Variants in ROS1 observed in about 807,000 individuals in gnomAD.
ROS1 encodes the protein proto-oncogene tyrosine-protein kinase ROS.
A neutral mutation model predicts 273.5 loss-of-function variants in ROS1; 263 were observed. The ratio of observed to expected loss-of-function variants is 0.96; its 90% CI spans 0.87 to 1.06. The LOEUF is 1.06. Ranked by LOEUF, ROS1 falls within the 50% of genes least tolerant of loss-of-function variation. ROS1 has a pLI of 0.00. For missense variants in ROS1, 2,833 were observed against 2,751.1 expected, an observed-to-expected ratio of 1.03 and a Z score of -0.67; for synonymous variants, 1,008 against 954.1, an observed-to-expected ratio of 1.06 and a Z score of -1.04.
At chr6:117,403,053 G>A (rs1774082529) in intron 7 of ROS1, 86 bp downstream of exon 7, 4 of 1,457,128 alleles carry the variant, frequency 2.7e-6, no homozygotes, top group Non-Finnish European at 2.9e-6. Flanking sequence ...GGAAGGAATA[G>A]ATTTATTTCA....
chr6:117,358,231 T>C (rs1301238942), intron 24 of ROS1, among the ~76,000 whole-genome samples: 1 of 151,826 alleles, frequency 6.6e-6, no homozygotes, highest in East Asian at 1.9e-4. Flanking sequence ...AAACCAGTGC[T>C]ACAAATTTAT....
intron 20 of ROS1, 35 bp downstream of exon 20, chr6:117,365,546 T>G (rs1184949616): frequency 1.3e-6 from 2 of 1,579,868 alleles, no homozygotes; most frequent in Non-Finnish European, 1.7e-6. Context: ...TACAGTCTGT[T>G]TGGGAAATGA....
intron 4 of ROS1, among the ~76,000 whole-genome samples, chr6:117,410,639 T>G (rs1173660111): frequency 6.6e-6 from 1 of 152,168 alleles, no homozygotes; most frequent in Non-Finnish European, 1.5e-5. Context: ...ACAATCATGA[T>G]CAATCTTCCT....
chr6:117,396,967 T>C lies in ROS1; in HGVS notation c.754A>G (p.Thr252Ala), dbSNP rs765277219. 3 of 1,614,154 alleles carry C rather than the reference T, an allele frequency of 1.9e-6. No individual in the cohort carries two copies. Among genetic ancestry groups the C allele is most frequent in the Non-Finnish European group, 2.5e-6 (3 of 1,179,992 alleles). Residue 252 changes from threonine (T) to alanine (A), a missense_variant, in exon 8 of 44, where the codon ACA becomes GCA. By Grantham distance (58) the Thr-to-Ala change is moderately conservative (BLOSUM62 0). Transcript: ENST00000368507. The part of the protein sequence containing the change: ...ISKNQKLDAG[T>A]QRTSFQFYST... Reference sequence around the variant, plus strand: ...TAAAACTGGAAACTGGTTCTCTGTGTCCCTGCATCTAATTTTTGATTTTTG... The same window carrying C: ...TAAAACTGGAAACTGGTTCTCTGTGCCCCTGCATCTAATTTTTGATTTTTG...
chr6:117,370,042 A>ATTT (rs1780639307), intron 18 of ROS1, among the ~76,000 whole-genome samples: 1 of 152,176 alleles, frequency 6.6e-6, no homozygotes, highest in African/African-American at 2.4e-5. Flanking sequence ...TATACATATG[A>ATTT]ATGCATATGG....
At chr6:117,408,405 A>T (rs1442088692) in intron 5 of ROS1, among the ~76,000 whole-genome samples, 3 of 152,246 alleles carry the variant, frequency 2.0e-5, no homozygotes, top group Non-Finnish European at 4.4e-5. Context: ...TGGGCGAAGG[A>T]TACGAACAGG....
At chr6:117,406,174 C>T (rs1277010472) in intron 5 of ROS1, among the ~76,000 whole-genome samples, 5 of 150,648 alleles carry the variant, frequency 3.3e-5, no homozygotes, top group African/African-American at 7.4e-5. Flanking sequence ...TATATATATA[C>T]ACACACACAT....
chr6:117,387,608 C>T (rs1055097185), intron 14 of ROS1, among the ~76,000 whole-genome samples, 172 bp downstream of exon 14: 1 of 152,116 alleles, frequency 6.6e-6, no homozygotes, highest in Non-Finnish European at 1.5e-5. Flanking sequence ...ATTTGCTTTC[C>T]TAATCTCAGA....
chr6:117,365,683 C>T lies in ROS1; in HGVS notation c.2856G>A (p.Arg952=), dbSNP rs191810593. 14 of 1,611,718 alleles carry T rather than the reference C, an allele frequency of 8.7e-6. No homozygotes were observed. In the South Asian group the frequency reaches 1.2e-4, roughly 14 times the overall value. ...IPDSVQESSF[R]IEGNASSFQI... ...GAAAACTTGAAGCATTTCCTTCAAT[C>T]CTAAATGAAGACTCTTGAACAGAAT... Residue 952 remains arginine, a synonymous_variant, in exon 20 of 44, where the codon AGG becomes AGA. Transcript: ENST00000368507.
intron 43 of ROS1, among the ~76,000 whole-genome samples, chr6:117,300,616 T>C (rs1026956516): frequency 1.3e-5 from 2 of 152,120 alleles, no homozygotes; most frequent in African/African-American, 4.8e-5. Context: ...ATGATGATAA[T>C]GTACCGTAAG....
In ROS1 at chr6:117,425,650, T is replaced by C; in HGVS notation, c.7A>G (p.Asn3Asp). The C allele has an allele frequency of 6.2e-7, 1 of 1,611,080 alleles. No individual in the cohort carries two copies. Among genetic ancestry groups the C allele is most frequent in the Non-Finnish European group, 8.5e-7 (1 of 1,179,008 alleles). Residue 3 changes from asparagine to aspartate, a missense_variant, in exon 1 of 44, where the codon AAC becomes GAC. Asn to Asp is a conservative substitution (Grantham distance 23). Coordinates refer to ENST00000368507, the MANE Select transcript of ROS1 (RefSeq NM_001378902.1). Reference protein sequence around the residue: MKNIYCLIPKLVN... With the variant: MKDIYCLIPKLVN... Reference sequence around the variant, plus strand: ...AGCTTCGGAATAAGACAGTAAATGTTCTTCATCACTTCACCAATGGCAGAT... The same window carrying C: ...AGCTTCGGAATAAGACAGTAAATGTCCTTCATCACTTCACCAATGGCAGAT...
chr6:117,344,269 TAAG>T lies in ROS1; in HGVS notation c.4304-10_4304-8del, dbSNP rs975518037. ...AGAGACAGAAACGCTTTATCTAAAATAAGAAGAAACCAAAAGATTAAATATCTA... is the reference window on the plus strand; with the variant it reads ...AGAGACAGAAACGCTTTATCTAAAATAAGAAACCAAAAGATTAAATATCTA... On this transcript the variant is annotated splice_polypyrimidine_tract_variant and splice_region_variant and intron_variant, in intron 27 of 43. Transcript: ENST00000368507. The T allele has an allele frequency of 1.9e-6, 3 of 1,608,658 alleles. No homozygotes were observed. The highest frequency in any genetic ancestry group is 1.7e-6 in the Non-Finnish European group (2 of 1,175,596).
chr6:117,403,344 T>C, intron 6 of ROS1, 67 bp from the exon 7 acceptor site: 1 of 1,466,830 alleles, frequency 6.8e-7, no homozygotes, highest in East Asian at 2.4e-5. Context: ...CTAAAAAGCA[T>C]AGATTAATTT....
intron 7 of ROS1, among the ~76,000 whole-genome samples, chr6:117,402,614 G>A (rs1278904538): frequency 6.6e-6 from 1 of 152,116 alleles, no homozygotes; most frequent in African/African-American, 2.4e-5. Context: ...CCAGCTGGGC[G>A]AGGTGGCTCA....
chr6:117,346,567 C>T (rs1473395803), intron 27 of ROS1, among the ~76,000 whole-genome samples: 2 of 151,478 alleles, frequency 1.3e-5, no homozygotes, highest in African/African-American at 2.4e-5. Flanking sequence ...ACTGCATGGA[C>T]GTCTTTTTTT....
chr6:117,335,256 C>A (rs528241142), intron 32 of ROS1, among the ~76,000 whole-genome samples: 1 of 152,288 alleles, frequency 6.6e-6, no homozygotes, highest in Non-Finnish European at 1.5e-5. Context: ...CATCACTGAT[C>A]ATCAGAGGAG....
intron 26 of ROS1, among the ~76,000 whole-genome samples, chr6:117,353,574 G>T (rs1779058384): frequency 6.6e-6 from 1 of 152,206 alleles, no homozygotes; most frequent in Non-Finnish European, 1.5e-5. Context: ...TTTATCAGTG[G>T]TTTGGAATGA....
chr6:117,398,723 C>A (rs1430204225), intron 7 of ROS1, among the ~76,000 whole-genome samples: 1 of 150,606 alleles, frequency 6.6e-6, no homozygotes, highest in Non-Finnish European at 1.5e-5. Context: ...GCTTGTAATC[C>A]CAGCACTTTA....
At position 117,419,452 on chromosome 6, in the gene ROS1, C is replaced by T. The variant is rs1389044537; in HGVS notation, c.124-946G>A. On this transcript the variant is annotated intron_variant, in intron 1 of 43. Coordinates refer to ENST00000368507, the MANE Select transcript of ROS1 (RefSeq NM_001378902.1). Reference sequence around the variant, plus strand: ...TTAATTTGAAGCATGAGTGAGGATTCCTTTAAACTCCGTTCCCTAACCGGT... The same window carrying T: ...TTAATTTGAAGCATGAGTGAGGATTTCTTTAAACTCCGTTCCCTAACCGGT... Among the ~76,000 whole-genome samples, 9 of 152,150 alleles carry T rather than the reference C, an allele frequency of 5.9e-5. No homozygotes were observed. In the South Asian group the frequency reaches 1.9e-3, roughly 32 times the overall value.
Sources: gnomAD v4.1 joint callset for allele counts (sites outside exome capture counted in the v4.1 genomes callset) on GRCh38, gnomAD v4.1.1 for gene constraint, MANE v1.5 for transcripts, NCBI Gene and HGNC (gene_info 2026-07-23, HGNC 2026-07-21) for gene names.